Variants in STK3 observed in about 807,000 individuals in gnomAD.
STK3 encodes serine/threonine kinase 3.
A neutral mutation model predicts 58.0 loss-of-function variants in STK3; 41 were observed. That is an observed-to-expected ratio of 0.71 (90% CI 0.55 to 0.92). The LOEUF is 0.92. STK3 is among the 40% of genes least tolerant of loss of function. The pLI is 0.00. For synonymous variants in STK3, 170 were observed against 191.0 expected, an observed-to-expected ratio of 0.89 and a Z score of 0.91; for missense variants, 479 against 602.7, an observed-to-expected ratio of 0.79 and a Z score of 2.15.
chr8:98,508,989 A>C (rs1022521179), intron 10 of STK3, among the ~76,000 whole-genome samples: 1 of 152,160 alleles, frequency 6.6e-6, no homozygotes, highest in Admixed American at 6.5e-5. Context: ...CATCTAAAAA[A>C]ATAAAAAGGT....
intron 1 of STK3, among the ~76,000 whole-genome samples, chr8:98,885,046 T>C (rs1246801257): frequency 6.6e-6 from 1 of 152,220 alleles, no homozygotes; most frequent in African/African-American, 2.4e-5. Flanking sequence ...ACAAATGAAC[T>C]ACCCTGTTAA....
chr8:98,491,189 G>C (rs996007317), intron 10 of STK3, among the ~76,000 whole-genome samples: 2 of 151,554 alleles, frequency 1.3e-5, no homozygotes, highest in African/African-American at 2.4e-5. Context: ...GAGAGAGAGA[G>C]AGAGAGAGAG....
intron 10 of STK3, among the ~76,000 whole-genome samples, chr8:98,524,526 T>C (rs892418236): frequency 2.6e-5 from 4 of 152,240 alleles, no homozygotes; most frequent in African/African-American, 9.6e-5. Flanking sequence ...CTTTCACCCA[T>C]ATTTTTGCAG....
intron 1 of STK3, among the ~76,000 whole-genome samples, chr8:98,927,719 T>C (rs960585815): frequency 1.1e-4 from 17 of 152,174 alleles, no homozygotes; most frequent in African/African-American, 4.1e-4. Context: ...GCTATTAACA[T>C]GAAAGGAAAG....
At chr8:98,748,553 C>T (rs1462732065) in intron 4 of STK3, among the ~76,000 whole-genome samples, 1 of 151,944 alleles carries the variant, frequency 6.6e-6, no homozygotes, top group Non-Finnish European at 1.5e-5. Context: ...TGGCTGACAA[C>T]ATATAATAAT....
At chr8:98,603,059 AG>A (rs1816487468) in intron 6 of STK3, among the ~76,000 whole-genome samples, 1 of 152,120 alleles carries the variant, frequency 6.6e-6, no homozygotes, top group Admixed American at 6.5e-5. Context: ...GAAAATCACA[AG>A]GTTAGCTCTG....
At chr8:98,548,535 C>T (rs999627131) in intron 8 of STK3, among the ~76,000 whole-genome samples, 3 of 152,056 alleles carry the variant, frequency 2.0e-5, no homozygotes, top group African/African-American at 7.2e-5. Context: ...TTATAATGGG[C>T]ATAATGATGT....
intron 10 of STK3, among the ~76,000 whole-genome samples, chr8:98,500,411 G>C (rs900737528): frequency 2.0e-5 from 3 of 152,070 alleles, no homozygotes; most frequent in African/African-American, 7.2e-5. Flanking sequence ...TGTGCACAAC[G>C]TGCAGGTTTG....
intron 1 of STK3, among the ~76,000 whole-genome samples, chr8:98,780,094 A>T (rs941564207): frequency 1.3e-5 from 2 of 151,822 alleles, no homozygotes; most frequent in African/African-American, 4.8e-5. Flanking sequence ...GTAGTATAAC[A>T]TAAGATCACT....
rs569073622 is a variant in STK3, at chr8:98,818,811, T to C, written c.26+6704A>G. 8.5e-5 allele frequency among the ~76,000 whole-genome samples: 13 copies of C among 152,234 alleles called. No homozygotes were observed. In the South Asian group the frequency reaches 2.1e-3, roughly 24 times the overall value. ...TTCATGTCGATATTCACGGTATGTA[T>C]GCAAACAATGAATTTTTTTTGTTGT... is the stretch of plus-strand genomic sequence containing the variant. On this transcript the variant is annotated intron_variant, in intron 1 of 10. Transcript: ENST00000419617.
chr8:98,587,966 T>C (rs1417405356), intron 7 of STK3, among the ~76,000 whole-genome samples: 1 of 152,202 alleles, frequency 6.6e-6, no homozygotes, highest in African/African-American at 2.4e-5. Context: ...TTTTCCTCCA[T>C]CCTTGTATTT....
chr8:98,451,353 G>A (rs1270258002), downstream of STK3, among the ~76,000 whole-genome samples: 1 of 152,148 alleles, frequency 6.6e-6, no homozygotes, highest in Non-Finnish European at 1.5e-5. Context: ...TTTGGAAGCA[G>A]TTCAGTTTGT....
At chr8:98,382,613 G>C (rs183007707) in intron 1 of STK3, among the ~76,000 whole-genome samples, 1 of 151,998 alleles carries the variant, frequency 6.6e-6, no homozygotes, top group Non-Finnish European at 1.5e-5. Flanking sequence ...AGACCTGCCC[G>C]GGCTGCTCCA....
intron 10 of STK3, among the ~76,000 whole-genome samples, chr8:98,479,501 G>A (rs1447283421): frequency 3.7e-5 from 2 of 54,350 alleles, no homozygotes; most frequent in East Asian, 6.7e-4. Flanking sequence ...GGGGGGGGGG[G>A]GCGGGAAAGG....
intron 3 of STK3, among the ~76,000 whole-genome samples, chr8:98,765,035 T>C (rs533531127): frequency 2.0e-4 from 30 of 152,342 alleles, no homozygotes; most frequent in African/African-American, 7.0e-4. Flanking sequence ...TAAGATGCTG[T>C]TGCAGAAATC....
intron 3 of STK3, chr8:98,429,224 C>A: frequency 1.2e-6 from 2 of 1,614,078 alleles, no homozygotes; most frequent in Non-Finnish European, 1.7e-6. Flanking sequence ...AGTTCTCCCA[C>A]TTTTACCGGC....
chr8:98,919,904 G>C (rs1839491580), intron 1 of STK3, among the ~76,000 whole-genome samples: 1 of 152,166 alleles, frequency 6.6e-6, no homozygotes, highest in South Asian at 2.1e-4. Context: ...AATGTTGGGG[G>C]GAGGGAGGAA....
chr8:98,468,092 T>C (rs1820624864), intron 10 of STK3, among the ~76,000 whole-genome samples: 1 of 152,234 alleles, frequency 6.6e-6, no homozygotes, highest in African/African-American at 2.4e-5. Flanking sequence ...TCTCATATTT[T>C]AGTTTCGAAG....
intron 9 of STK3, among the ~76,000 whole-genome samples, chr8:98,547,319 A>C (rs1200790559): frequency 6.6e-6 from 1 of 152,164 alleles, no homozygotes; most frequent in African/African-American, 2.4e-5. Context: ...ATCTTAAAAA[A>C]CTGTTTTTAA....
Sources: allele counts gnomAD v4.1 joint callset (sites outside exome capture counted in the v4.1 genomes callset), GRCh38; gene constraint gnomAD v4.1.1; transcripts MANE v1.5; gene names NCBI Gene and HGNC (gene_info 2026-07-23, HGNC 2026-07-21).